The following ARHGEF28 variants were observed in gnomAD, a reference collection of about 807,000 sequenced individuals.
ARHGEF28 encodes the protein 190 kDa guanine nucleotide exchange factor.
In ARHGEF28, 152 loss-of-function variants were observed where a neutral mutation model predicts 206.6. That is an observed-to-expected ratio of 0.74 (90% CI 0.64 to 0.84). The LOEUF (loss-of-function observed/expected upper bound fraction) is 0.84, where lower values mean the gene tolerates loss of function less well. ARHGEF28 is among the 40% of genes least tolerant of loss of function. ARHGEF28 has a pLI of 0.00. For missense variants in ARHGEF28, 2,028 were observed against 2,073.2 expected, an observed-to-expected ratio of 0.98 and a Z score of 0.42; for synonymous variants, 763 against 776.4, an observed-to-expected ratio of 0.98 and a Z score of 0.29.
At chr5:73,773,809 T>A in intron 4 of ARHGEF28, 46 bp from the exon 5 acceptor site, 1 of 1,488,204 alleles carries the variant, frequency 6.7e-7, no homozygotes, top group Non-Finnish European at 9.0e-7. Context: ...TAAAACAAAC[T>A]TTGTAAATGG....
chr5:73,889,628 G>A (rs1223150660), intron 26 of ARHGEF28, among the ~76,000 whole-genome samples: 1 of 152,214 alleles, frequency 6.6e-6, no homozygotes, highest in African/African-American at 2.4e-5. Flanking sequence ...AATAGAATCA[G>A]CACAAAATGG....
rs1747760346 is a variant in ARHGEF28, at chr5:73,690,579, TC to T, written c.33+5698del. Among the ~76,000 whole-genome samples, 4 of 145,632 alleles carry T rather than the reference TC, an allele frequency of 2.7e-5. No individual in the cohort carries two copies. In the South Asian group the frequency reaches 9.0e-4, roughly 33 times the overall value. On this transcript the variant is annotated intron_variant, in intron 2 of 35. Coordinates refer to ENST00000513042, the MANE Select transcript of ARHGEF28 (RefSeq NM_001177693.2). ...CACGTGTGGTGGCTCAAGCCTATAG[TC>T]CCAGCTACTTGGGAGGCTGAGGTGG...
intron 1 of ARHGEF28, among the ~76,000 whole-genome samples, chr5:73,645,458 GA>G (rs149081195): frequency 2.8e-3 from 419 of 152,264 alleles, no homozygotes; most frequent in Admixed American, 5.6e-3. Flanking sequence ...TAAGTTCTGA[GA>G]AAATACCATA....
chr5:73,814,759 A>T (rs1170531910), intron 9 of ARHGEF28, among the ~76,000 whole-genome samples: 1 of 152,072 alleles, frequency 6.6e-6, no homozygotes, highest in Admixed American at 6.6e-5. Context: ...TTGTCAGCAA[A>T]CCAGCTTAGC....
chr5:73,867,774 C>T, intron 18 of ARHGEF28, 102 bp from the exon 19 acceptor site: 3 of 1,456,896 alleles, frequency 2.1e-6, no homozygotes, highest in Non-Finnish European at 2.8e-6. Flanking sequence ...CATCAGATTA[C>T]AAGTAGTCAT....
intron 35 of ARHGEF28, among the ~76,000 whole-genome samples, chr5:73,915,005 G>A (rs1005943459): frequency 1.3e-5 from 2 of 152,228 alleles, no homozygotes; most frequent in African/African-American, 2.4e-5. Flanking sequence ...CTCCCAAAGT[G>A]CTGGGATTAT....
intron 35 of ARHGEF28, among the ~76,000 whole-genome samples, chr5:73,913,376 A>C (rs751904075): frequency 6.6e-6 from 1 of 152,326 alleles, no homozygotes; most frequent in East Asian, 1.9e-4. Flanking sequence ...CAATTTCTAC[A>C]GGGGAGAAAA....
intron 12 of ARHGEF28, among the ~76,000 whole-genome samples, chr5:73,848,563 G>A (rs546893023): frequency 4.6e-5 from 7 of 152,238 alleles, no homozygotes; most frequent in Non-Finnish European, 1.0e-4. Flanking sequence ...CTATCCTCTA[G>A]TAATCCTTAA....
At chr5:73,813,550 C>G (rs1213493454) in intron 9 of ARHGEF28, 1 of 1,534,576 alleles carries the variant, frequency 6.5e-7, no homozygotes. Context: ...CTTCCTGAGT[C>G]TCTACTGTTT....
intron 2 of ARHGEF28, among the ~76,000 whole-genome samples, chr5:73,705,272 A>G (rs1748866680): frequency 6.6e-6 from 1 of 152,174 alleles, no homozygotes; most frequent in African/African-American, 2.4e-5. Context: ...TCAGGCTTAA[A>G]AAACACTTTA....
intron 9 of ARHGEF28, among the ~76,000 whole-genome samples, chr5:73,827,525 C>A (rs1386380960): frequency 6.6e-6 from 1 of 152,032 alleles, no homozygotes; most frequent in Non-Finnish European, 1.5e-5. Flanking sequence ...ATATTATTGC[C>A]TTATTTTACA....
chr5:73,838,061 A>C (rs1437287058), intron 10 of ARHGEF28, among the ~76,000 whole-genome samples: 2 of 152,168 alleles, frequency 1.3e-5, no homozygotes, highest in African/African-American at 4.8e-5. Flanking sequence ...TTATTCTGGA[A>C]TATTCTGGGT....
At chr5:73,831,167 A>G (rs1045489353) in intron 9 of ARHGEF28, among the ~76,000 whole-genome samples, 15 of 152,228 alleles carry the variant, frequency 9.9e-5, no homozygotes, top group African/African-American at 3.1e-4. Flanking sequence ...AGCACTTTTT[A>G]CCAGGCATGT....
At chr5:73,636,849 G>A (rs1027673870) in intron 1 of ARHGEF28, among the ~76,000 whole-genome samples, 31 of 152,166 alleles carry the variant, frequency 2.0e-4, no homozygotes, top group African/African-American at 7.5e-4. Flanking sequence ...TGGAGGTAAG[G>A]ATGGTGTCTT....
intron 9 of ARHGEF28, among the ~76,000 whole-genome samples, chr5:73,801,229 G>A (rs1428191302): frequency 1.3e-5 from 2 of 152,064 alleles, no homozygotes; most frequent in South Asian, 2.1e-4. Flanking sequence ...GGCGGATCAC[G>A]AGGTCGGGAG....
chr5:73,778,839 A>G (rs59889319), intron 6 of ARHGEF28, among the ~76,000 whole-genome samples: 9,486 of 152,250 alleles, frequency 0.062, 619 homozygotes, highest in East Asian at 0.18. Flanking sequence ...ATTTTGTATA[A>G]AAAGTATTCC....
At chr5:73,875,304 A>G (rs1224237474) in intron 22 of ARHGEF28, among the ~76,000 whole-genome samples, 5 of 150,524 alleles carry the variant, frequency 3.3e-5, no homozygotes, top group African/African-American at 1.2e-4. Flanking sequence ...AGTTCATTGT[A>G]GATTCTGGAT....
intron 2 of ARHGEF28, among the ~76,000 whole-genome samples, chr5:73,723,232 A>G (rs1375896997): frequency 6.6e-6 from 1 of 152,158 alleles, no homozygotes; most frequent in Non-Finnish European, 1.5e-5. Context: ...CTCTGTCGCC[A>G]GGCTGGAGTG....
chr5:73,740,587 T>C (rs1354058289), intron 2 of ARHGEF28, among the ~76,000 whole-genome samples: 1 of 152,184 alleles, frequency 6.6e-6, no homozygotes, highest in Admixed American at 6.5e-5. Flanking sequence ...GTCTGCATGA[T>C]AGACCCTCAG....
Sources: allele counts gnomAD v4.1 joint callset (sites outside exome capture counted in the v4.1 genomes callset), GRCh38; gene constraint gnomAD v4.1.1; transcripts MANE v1.5; gene names NCBI Gene and HGNC (gene_info 2026-07-23, HGNC 2026-07-21).